INPP4A: variants seen among roughly 807,000 people sequenced by gnomAD.
INPP4A encodes inositol polyphosphate-4-phosphatase, type I, 107kD.
In INPP4A, 33 loss-of-function variants were observed where a neutral mutation model predicts 119.8. That is an observed-to-expected ratio of 0.28 (90% CI 0.21 to 0.37). The LOEUF (loss-of-function observed/expected upper bound fraction) is 0.37, where lower values mean the gene tolerates loss of function less well. Among genes scored for constraint, INPP4A ranks in the 10% least tolerant of loss-of-function variants. The probability of loss-of-function intolerance (pLI) is 1.00; values close to 1 mark genes in which losing one functional copy is unlikely to be tolerated. For missense variants in INPP4A, 956 were observed against 1,289.9 expected (o/e 0.74, Z 3.97); for synonymous variants, 496 against 500.7 (o/e 0.99, Z 0.12).
At chr2:98,514,257 C>T (rs1685682082) in intron 1 of INPP4A, among the ~76,000 whole-genome samples, 1 of 152,190 alleles carries the variant, frequency 6.6e-6, no homozygotes, top group African/African-American at 2.4e-5. Flanking sequence ...TCAGGGTGTT[C>T]TGAGCCCCAC....
At chr2:98,461,262 G>A (rs1256373788) in intron 1 of INPP4A, among the ~76,000 whole-genome samples, 3 of 152,254 alleles carry the variant, frequency 2.0e-5, no homozygotes, top group Non-Finnish European at 2.9e-5. Flanking sequence ...ATGATGTAGT[G>A]ACATGGCAGA....
intron 24 of INPP4A, 96 bp downstream of exon 24, chr2:98,577,239 G>GCT: frequency 7.7e-7 from 1 of 1,302,556 alleles, no homozygotes; most frequent in Non-Finnish European, 1.0e-6. Context: ...GGCCTACCCT[G>GCT]CATGAGCCCC....
intron 4 of INPP4A, among the ~76,000 whole-genome samples, chr2:98,531,372 A>G (rs1689177584): frequency 6.6e-6 from 1 of 152,246 alleles, no homozygotes. Context: ...AGCAATAAAA[A>G]TAATGGAAAA....
At chr2:98,571,450 G>T (rs889797825) in intron 22 of INPP4A, among the ~76,000 whole-genome samples, 1 of 152,244 alleles carries the variant, frequency 6.6e-6, no homozygotes, top group East Asian at 1.9e-4. Flanking sequence ...GTGGTGAGCG[G>T]CTGCAGTAAG....
intron 19 of INPP4A, 123 bp downstream of exon 19, chr2:98,564,886 A>C: frequency 4.2e-6 from 5 of 1,196,524 alleles, no homozygotes; most frequent in Non-Finnish European, 5.7e-6. Flanking sequence ...AAAATATATA[A>C]CAGCAGACCA....
At chr2:98,492,132 G>A (rs747068414) in intron 1 of INPP4A, among the ~76,000 whole-genome samples, 13 of 151,956 alleles carry the variant, frequency 8.6e-5, no homozygotes, top group South Asian at 2.1e-4. Context: ...CACATGATCC[G>A]CGCGCCTCAG....
chr2:98,497,189 G>C (rs1029780198), intron 1 of INPP4A, among the ~76,000 whole-genome samples: 2 of 152,220 alleles, frequency 1.3e-5, no homozygotes, highest in Admixed American at 6.5e-5. Flanking sequence ...ATGGTTTTGA[G>C]CCTGCCAGTG....
At chr2:98,576,875 T>G in intron 23 of INPP4A, 114 bp from the exon 24 acceptor site, 1 of 1,289,644 alleles carries the variant, frequency 7.8e-7, no homozygotes, top group Non-Finnish European at 1.1e-6. Context: ...GGCCTGGGTG[T>G]TGAGTTTCTG....
In INPP4A at chr2:98,567,573, G is replaced by C. The variant is rs116316604; in HGVS notation, c.2421-998G>C. Among the ~76,000 whole-genome samples, 993 of 152,318 alleles carry C rather than the reference G, an allele frequency of 6.5e-3. 15 individuals carry two copies. The highest frequency in any genetic ancestry group is 0.022 in the African/African-American group (930 of 41,562). ...AGCTGCGGATCCCACAGACTTGCAG[G>C]AGCAGTTTCTAGAGAGGGCTGAGCC... On this transcript the variant is annotated intron_variant, in intron 21 of 24. Coordinates refer to ENST00000409851, the MANE Select transcript of INPP4A (RefSeq NM_001134225.2).
chr2:98,586,776 C>T (rs1309960613), intron 24 of INPP4A, among the ~76,000 whole-genome samples: 1 of 152,176 alleles, frequency 6.6e-6, no homozygotes, highest in East Asian at 1.9e-4. Context: ...GGCACCTGTG[C>T]AAGAGGGAAC....
intron 1 of INPP4A, among the ~76,000 whole-genome samples, chr2:98,451,877 C>T (rs1041514784): frequency 6.6e-5 from 10 of 152,168 alleles, no homozygotes; most frequent in Admixed American, 2.0e-4. Flanking sequence ...CAAGGATGCC[C>T]AGTTCAAGCT....
intron 1 of INPP4A, among the ~76,000 whole-genome samples, chr2:98,455,792 C>T (rs1443035372): frequency 1.3e-5 from 2 of 152,194 alleles, no homozygotes; most frequent in Non-Finnish European, 2.9e-5. Flanking sequence ...TTCACTTTCT[C>T]TCCCCTCTGC....
At chr2:98,508,186 C>T (rs1308831414) in intron 1 of INPP4A, among the ~76,000 whole-genome samples, 2 of 152,192 alleles carry the variant, frequency 1.3e-5, no homozygotes, top group African/African-American at 4.8e-5. Flanking sequence ...AGTCAGGGTC[C>T]AGCTTCCAGG....
At chr2:98,531,214 A>G (rs764318690) in intron 4 of INPP4A, among the ~76,000 whole-genome samples, 16 of 152,218 alleles carry the variant, frequency 1.1e-4, no homozygotes, top group Non-Finnish European at 1.9e-4. Context: ...CTTTAGGGGG[A>G]CACAAACATT....
intron 1 of INPP4A, among the ~76,000 whole-genome samples, chr2:98,465,835 G>A (rs376003793): frequency 1.3e-5 from 2 of 152,008 alleles, no homozygotes; most frequent in South Asian, 4.1e-4. Context: ...TTTTCCTCCC[G>A]GCTCCACCCT....
intron 1 of INPP4A, among the ~76,000 whole-genome samples, chr2:98,476,611 C>CCT: frequency 6.6e-6 from 1 of 152,178 alleles, no homozygotes; most frequent in East Asian, 1.9e-4. Context: ...CTCCTGGAGA[C>CCT]CTCTCCTGGC....
chr2:98,448,517 C>G (rs1314030918), intron 1 of INPP4A, among the ~76,000 whole-genome samples: 1 of 151,968 alleles, frequency 6.6e-6, no homozygotes, highest in Non-Finnish European at 1.5e-5. Context: ...CTGTAGTGTC[C>G]TTTAATCTGA....
At chr2:98,574,130 CTGGCATTGCTTGCTCAG>C (rs1317370632) in intron 23 of INPP4A, among the ~76,000 whole-genome samples, 3 of 152,170 alleles carry the variant, frequency 2.0e-5, no homozygotes, top group African/African-American at 7.2e-5. Flanking sequence ...GGGGCCTCAT[CTGGCATTGCTTGCTCAG>C]GCCAGGCCCA....
rs1046436307 is a variant in INPP4A, at chr2:98,566,217, T to C, written c.2420+48T>C. 3 of 1,524,020 alleles carry C rather than the reference T, an allele frequency of 2.0e-6. No individual in the cohort carries two copies. Among genetic ancestry groups the C allele is most frequent in the Non-Finnish European group, 1.8e-6 (2 of 1,132,336 alleles). The allele number at this position is 1,524,020 out of a possible 1,614,324, so 94.4% of individuals were successfully genotyped here. On this transcript the variant is annotated intron_variant, in intron 21 of 24. Transcript: ENST00000409851. This position sits in a 1 kb window ranked among gnomAD's most constrained non-coding sequence, Gnocchi z 4.2. ...TGCGGGGGTGTGGTGGCCCTGGAGA[T>C]GATGCAGAAAACGTACTTACCCCTC...
Sources: allele counts gnomAD v4.1 joint callset (sites outside exome capture counted in the v4.1 genomes callset), GRCh38; gene constraint gnomAD v4.1.1; non-coding constraint Gnocchi (gnomAD v3.1); transcripts MANE v1.5; gene names NCBI Gene and HGNC (gene_info 2026-07-23, HGNC 2026-07-21).